The following NEDD4 variants were observed in gnomAD, a reference collection of about 807,000 sequenced individuals.
The protein encoded by NEDD4 is E3 ubiquitin-protein ligase NEDD4.
NEDD4 carries 99 observed loss-of-function variants against 144.9 expected under a neutral mutation model. That is an observed-to-expected ratio of 0.68 (90% confidence interval 0.58 to 0.81). The LOEUF (loss-of-function observed/expected upper bound fraction) is 0.81, where lower values mean the gene tolerates loss of function less well. Among genes scored for constraint, NEDD4 ranks in the 30% least tolerant of loss-of-function variants. The probability of loss-of-function intolerance (pLI) is 0.00; values close to 1 mark genes in which losing one functional copy is unlikely to be tolerated. For synonymous variants in NEDD4, 318 were observed against 350.6 expected, an observed-to-expected ratio of 0.91 and a Z score of 1.04; for missense variants, 985 against 1,065.9, an observed-to-expected ratio of 0.92 and a Z score of 1.06.
At chr15:55,835,858 TA>T (rs1182885667) in intron 24 of NEDD4, among the ~76,000 whole-genome samples, 1 of 152,160 alleles carries the variant, frequency 6.6e-6, no homozygotes, top group Non-Finnish European at 1.5e-5. Context: ...ATCTAAAACA[TA>T]AATTGAATCT....
At chr15:55,857,069 T>C (rs147837503) in intron 11 of NEDD4, among the ~76,000 whole-genome samples, 157 of 152,314 alleles carry the variant, frequency 1.0e-3, no homozygotes, top group African/African-American at 3.6e-3. Context: ...TGTACTGAAA[T>C]GGTTCAATGT....
intron 19 of NEDD4, 127 bp from the exon 20 acceptor site, chr15:55,840,854 T>C: frequency 1.1e-6 from 1 of 950,096 alleles, no homozygotes; most frequent in Admixed American, 2.7e-5. Flanking sequence ...CTGGATTTAA[T>C]GGTTTTAAAA....
chr15:55,966,989 C>G (rs1165834789), intron 1 of NEDD4, among the ~76,000 whole-genome samples: 1 of 152,168 alleles, frequency 6.6e-6, no homozygotes, highest in South Asian at 2.1e-4. Context: ...CCGGTTCAAG[C>G]GATTCTCATG....
chr15:55,837,006 C>A lies in NEDD4; in HGVS notation c.2262+783G>T, dbSNP rs117999366. Among the ~76,000 whole-genome samples, 911 of 152,222 alleles carry A rather than the reference C, an allele frequency of 6.0e-3. 3 individuals carry two copies. The highest frequency in any genetic ancestry group is 9.6e-3 in the Non-Finnish European group (655 of 68,014). On this transcript the variant is annotated intron_variant, in intron 24 of 28. Coordinates refer to ENST00000435532, the MANE Select transcript of NEDD4 (RefSeq NM_006154.4). ...TGTAAGTTAGCTTAAGAAATGAGTGCTCTGACAATCTGTCTACCAATTGGA... is the reference window on the plus strand; with the variant it reads ...TGTAAGTTAGCTTAAGAAATGAGTGATCTGACAATCTGTCTACCAATTGGA...
intron 5 of NEDD4, among the ~76,000 whole-genome samples, chr15:55,895,412 T>C (rs1046246552): frequency 6.6e-6 from 1 of 152,168 alleles, no homozygotes; most frequent in Non-Finnish European, 1.5e-5. Context: ...CTGTGTAAAA[T>C]CTTGGATGTT....
intron 12 of NEDD4, 128 bp downstream of exon 12, chr15:55,856,003 C>A: frequency 1.4e-6 from 1 of 731,114 alleles, no homozygotes; most frequent in Non-Finnish European, 2.3e-6. Flanking sequence ...AACATCACCA[C>A]CTGGAGCCTA....
intron 5 of NEDD4, among the ~76,000 whole-genome samples, chr15:55,897,855 C>T (rs1335196552): frequency 6.6e-6 from 1 of 152,190 alleles, no homozygotes; most frequent in Non-Finnish European, 1.5e-5. Flanking sequence ...ATACTTTTCC[C>T]CAGGCTTCCA....
chr15:55,864,849 T>C (rs1406152933), intron 8 of NEDD4, among the ~76,000 whole-genome samples: 1 of 152,130 alleles, frequency 6.6e-6, no homozygotes, highest in Non-Finnish European at 1.5e-5. Context: ...TGTGTGGTTC[T>C]GGTGCATGCA....
At chr15:55,986,801 T>C (rs1431524796) in intron 1 of NEDD4, among the ~76,000 whole-genome samples, 11 of 151,776 alleles carry the variant, frequency 7.2e-5, no homozygotes, top group Admixed American at 2.0e-4. Flanking sequence ...TTCACCATGT[T>C]AGCCAGGATA....
chr15:55,878,941 GC>G (rs2035087887), intron 5 of NEDD4, among the ~76,000 whole-genome samples: 1 of 152,190 alleles, frequency 6.6e-6, no homozygotes, highest in Non-Finnish European at 1.5e-5. Context: ...TTCTGCCTCA[GC>G]CTCGCAAGTA....
At chr15:55,988,523 G>A (rs1434631475) in intron 1 of NEDD4, among the ~76,000 whole-genome samples, 7 of 139,556 alleles carry the variant, frequency 5.0e-5, no homozygotes, top group African/African-American at 1.8e-4. Flanking sequence ...CTGAGGAAAT[G>A]TTACAGATTA....
intron 4 of NEDD4, among the ~76,000 whole-genome samples, chr15:55,941,159 T>C (rs997389286): frequency 6.6e-6 from 1 of 152,152 alleles, no homozygotes; most frequent in Non-Finnish European, 1.5e-5. Context: ...TATATCAATT[T>C]CATTAATTTT....
intron 1 of NEDD4, among the ~76,000 whole-genome samples, chr15:55,993,299 G>C (rs1357782307): frequency 6.6e-6 from 1 of 152,120 alleles, no homozygotes; most frequent in African/African-American, 2.4e-5. Flanking sequence ...GTGTGGACCC[G>C]ACAAGCTTGC....
At chr15:55,914,614 G>A (rs946229127) in intron 5 of NEDD4, among the ~76,000 whole-genome samples, 3 of 151,832 alleles carry the variant, frequency 2.0e-5, no homozygotes, top group Non-Finnish European at 4.4e-5. Context: ...GTATTAACTC[G>A]TGGCTAAAGA....
At chr15:55,993,366 C>T in intron 1 of NEDD4, 145 bp downstream of exon 1, 1 of 972,574 alleles carries the variant, frequency 1.0e-6, no homozygotes, top group Non-Finnish European at 1.4e-6. Flanking sequence ...GTCCCCGCGG[C>T]GCCTCGCGCG....
At chr15:55,855,861 G>A (rs563438225) in intron 12 of NEDD4, among the ~76,000 whole-genome samples, 3 of 152,278 alleles carry the variant, frequency 2.0e-5, no homozygotes, top group East Asian at 1.9e-4. Context: ...CGTATGCAGC[G>A]GATCACCTCT....
chr15:55,966,602 C>A, intron 1 of NEDD4, 56 bp from the exon 2 acceptor site: 2 of 854,674 alleles, frequency 2.3e-6, no homozygotes, highest in South Asian at 2.4e-5. Context: ...AACTAAGACA[C>A]AATTTTTTAA....
At chr15:55,850,958 T>G (rs1215915304) in intron 13 of NEDD4, among the ~76,000 whole-genome samples, 1 of 152,202 alleles carries the variant, frequency 6.6e-6, no homozygotes, top group Non-Finnish European at 1.5e-5. Context: ...TCCAATAAAT[T>G]ATTTTGTAAA....
intron 2 of NEDD4, among the ~76,000 whole-genome samples, chr15:55,957,957 C>G (rs558965980): frequency 7.6e-4 from 115 of 152,120 alleles, no homozygotes; most frequent in African/African-American, 2.7e-3. Flanking sequence ...CATCACACAC[C>G]AGGGCCTGTC....
Sources: allele counts gnomAD v4.1 joint callset (sites outside exome capture counted in the v4.1 genomes callset), GRCh38; gene constraint gnomAD v4.1.1; transcripts MANE v1.5; gene names NCBI Gene and HGNC (gene_info 2026-07-23, HGNC 2026-07-21).